The following PPARD variants were observed in gnomAD, a reference collection of about 807,000 sequenced individuals.
The protein encoded by PPARD is peroxisome proliferator activated receptor delta.
A neutral mutation model predicts 39.5 loss-of-function variants in PPARD; 6 were observed. The observed-to-expected ratio is 0.15, with a 90% CI of 0.08 to 0.30. The LOEUF (loss-of-function observed/expected upper bound fraction) is 0.30. PPARD is among the 10% of genes least tolerant of loss of function. PPARD has a pLI of 1.00. For synonymous variants in PPARD, 210 were observed against 231.3 expected, an observed-to-expected ratio of 0.91 and a Z score of 0.83; for missense variants, 397 against 596.8, an observed-to-expected ratio of 0.67 and a Z score of 3.49.
At chr6:35,396,451 A>G (rs1235556960) in intron 2 of PPARD, among the ~76,000 whole-genome samples, 4 of 146,426 alleles carry the variant, frequency 2.7e-5, no homozygotes, top group African/African-American at 5.1e-5. Flanking sequence ...TGATCCACAC[A>G]CCTCGGCCTC....
At chr6:35,421,983 C>T (rs752156599) in intron 5 of PPARD, 25 bp downstream of exon 5, 4 of 1,579,976 alleles carry the variant, frequency 2.5e-6, no homozygotes, top group East Asian at 2.3e-5. Context: ...GGGCAACTCA[C>T]GGGCTGCTGG....
chr6:35,425,044 G>A lies in PPARD; in HGVS notation c.1078+265G>A, dbSNP rs1027424728. On this transcript the variant is annotated intron_variant, in intron 7 of 7. Coordinates refer to ENST00000360694, the MANE Select transcript of PPARD (RefSeq NM_006238.5). The surrounding 1 kb of genome is among the most constrained non-coding windows in gnomAD (Gnocchi z 4.5). The stretch of plus-strand genomic sequence containing the variant: ...TCCCAGCACTTTGGCAGGCCGAGGC[G>A]GGTGGATCACTTGAGGTCAGGAGTT... 51 of 1,267,684 alleles carry A rather than the reference G, an allele frequency of 4.0e-5. No individual in the cohort carries two copies. Among genetic ancestry groups the A allele is most frequent in the Admixed American group, 2.1e-4 (6 of 28,738 alleles). The allele number at this position is 1,267,684 out of a possible 1,614,324, so 78.5% of individuals were successfully genotyped here. A position where few individuals can be genotyped will look rare whatever the true frequency, so the allele number is the denominator to read the frequency against.
intron 4 of PPARD, 111 bp downstream of exon 4, chr6:35,420,392 C>T: frequency 1.4e-6 from 2 of 1,383,588 alleles, no homozygotes; most frequent in Non-Finnish European, 9.5e-7. Context: ...GTACCTATTG[C>T]AGAATTCCTG....
chr6:35,397,653 G>A (rs2150709163), intron 2 of PPARD: 1 of 680,392 alleles, frequency 1.5e-6, no homozygotes, highest in Non-Finnish European at 1.8e-6. Flanking sequence ...ATACTTGAGG[G>A]TTATGTGAAT....
chr6:35,381,059 A>C, intron 2 of PPARD, among the ~76,000 whole-genome samples: 3 of 143,890 alleles, frequency 2.1e-5, no homozygotes, highest in African/African-American at 5.2e-5. Context: ...TTCTCCCCTC[A>C]TCTCCTCTCT....
At position 35,420,117 on chromosome 6, in the gene PPARD, G is replaced by A. The variant is rs752490838; in HGVS notation, c.131-10G>A. On this transcript the variant is annotated splice_polypyrimidine_tract_variant and intron_variant, in intron 3 of 7. Coordinates refer to ENST00000360694, the MANE Select transcript of PPARD (RefSeq NM_006238.5). ...GCATGTGGAGCTGCCCCTCCATCGT[G>A]TGTCCGCAGACCTCTCCCGGAGCTC... 6.2e-7 allele frequency: 1 copy of A among 1,610,398 alleles called. No individual in the cohort carries two copies. Among genetic ancestry groups the A allele is most frequent in the South Asian group, 1.1e-5 (1 of 90,932 alleles).
At chr6:35,361,491 A>T (rs188464610) in intron 2 of PPARD, among the ~76,000 whole-genome samples, 3 of 152,300 alleles carry the variant, frequency 2.0e-5, no homozygotes, top group Non-Finnish European at 2.9e-5. Context: ...CTATTTATTT[A>T]AAAAAATAAA....
chr6:35,347,027 C>A, intron 1 of PPARD, 40 bp from the exon 2 acceptor site: 2 of 1,339,160 alleles, frequency 1.5e-6, no homozygotes, highest in Non-Finnish European at 2.0e-6. Context: ...GCCCCTGGCA[C>A]CTGTCAGCTA....
chr6:35,408,409 G>A (rs1438239385), intron 2 of PPARD, among the ~76,000 whole-genome samples: 1 of 152,180 alleles, frequency 6.6e-6, no homozygotes, highest in Non-Finnish European at 1.5e-5. Flanking sequence ...GGAGAAGTAG[G>A]AGTGACTGCC....
chr6:35,410,431 A>G (rs992903261), intron 2 of PPARD, among the ~76,000 whole-genome samples: 4 of 152,226 alleles, frequency 2.6e-5, no homozygotes, highest in Admixed American at 6.5e-5. Flanking sequence ...TCTGCTATTG[A>G]GGCCATGGTT....
intron 2 of PPARD, among the ~76,000 whole-genome samples, chr6:35,364,722 TTG>T (rs1234079621): frequency 2.0e-5 from 3 of 147,374 alleles, no homozygotes. Flanking sequence ...TGTTTTTTGT[TTG>T]TTTTTTTTTT....
chr6:35,390,680 AAAAG>A (rs552240390), intron 2 of PPARD, among the ~76,000 whole-genome samples: 46 of 152,260 alleles, frequency 3.0e-4, no homozygotes, highest in Admixed American at 5.9e-4. Context: ...CTGTAAAAAA[AAAAG>A]AAAGAAAAGA....
At chr6:35,423,835 G>T in intron 5 of PPARD, 111 bp from the exon 6 acceptor site, 1 of 981,466 alleles carries the variant, frequency 1.0e-6, no homozygotes, top group Non-Finnish European at 1.5e-6. Flanking sequence ...AGAGCTTCTG[G>T]GGGCCTTAGG....
rs377438407 is a variant in PPARD at position 35,424,440 on chromosome 6, T to A, written c.739T>A (p.Tyr247Asn). 6.2e-7 allele frequency: 1 copy of A among 1,614,080 alleles called. No individual in the cohort carries two copies. Among genetic ancestry groups the A allele is most frequent in the Non-Finnish European group, 8.5e-7 (1 of 1,180,024 alleles). The part of the protein sequence containing the change: ...PYKEISVHVF[Y>N]RCQCTTVETV... ...CAAGGAGATCAGCGTGCACGTCTTC[T>A]ACCGCTGCCAGTGCACCACAGTGGA... The change falls in exon 7 of 8, where the codon TAC (tyrosine) becomes AAC (asparagine). Residue 247 changes from tyrosine to asparagine, a missense_variant. Tyr to Asn is a moderately radical substitution (Grantham distance 143, BLOSUM62 -2). Coordinates refer to ENST00000360694, the MANE Select transcript of PPARD (RefSeq NM_006238.5). This position sits in a 1 kb window ranked among gnomAD's most constrained non-coding sequence, Gnocchi z 7.1.
chr6:35,385,010 T>TG lies in PPARD; in HGVS notation c.-101-25974dup, dbSNP rs1352519632. 1.1e-3 allele frequency among the ~76,000 whole-genome samples: 130 copies of TG among 114,474 alleles called. 2 individuals are homozygous for TG. The East Asian group carries it at 0.014, about 13-fold the overall frequency. The allele number at this position is 114,474 out of a possible 152,430, so 75.1% of individuals were successfully genotyped here. ...CCAGCCGCCCCGTCCGGGAGGGAGG[T>TG]GGGAGGGGTCAGCCCCCCACCCGGC... On this transcript the variant is annotated intron_variant, in intron 2 of 7. Transcript: ENST00000360694.
At chr6:35,362,264 TG>T (rs993901168) in intron 2 of PPARD, among the ~76,000 whole-genome samples, 1 of 152,114 alleles carries the variant, frequency 6.6e-6, no homozygotes, top group Non-Finnish European at 1.5e-5. Context: ...CTCCCATTTG[TG>T]GGAAAGGCAT....
rs976353520 is a variant in PPARD, at chr6:35,342,943, G to T, written c.-186+262G>T. ...CCCCCATAGCTGCTTGAGTGAGTCC[G>T]AAATACGGGCCTCCTTCCACCCTAC... On this transcript the variant is annotated intron_variant, in intron 1 of 7. Coordinates refer to ENST00000360694, the MANE Select transcript of PPARD (RefSeq NM_006238.5). Among the ~76,000 whole-genome samples the T allele has an allele frequency of 4.0e-5, 6 of 150,156 alleles. No homozygotes were observed. In the East Asian group the frequency reaches 1.2e-3, roughly 30 times the overall value.
chr6:35,349,150 T>C (rs1300693124), intron 2 of PPARD: 2 of 583,360 alleles, frequency 3.4e-6, no homozygotes, highest in African/African-American at 4.1e-5. Flanking sequence ...CTAAGCCTCC[T>C]GAGTAGCTGG....
intron 2 of PPARD, among the ~76,000 whole-genome samples, chr6:35,385,039 C>G (rs1235395193): frequency 6.2e-5 from 9 of 145,840 alleles, no homozygotes; most frequent in Non-Finnish European, 1.3e-4. Flanking sequence ...ACCCGGCCAG[C>G]CGCCCCGTCC....
Sources: allele counts gnomAD v4.1 joint callset (sites outside exome capture counted in the v4.1 genomes callset), GRCh38; gene constraint gnomAD v4.1.1; non-coding constraint Gnocchi (gnomAD v3.1); transcripts MANE v1.5; gene names NCBI Gene and HGNC (gene_info 2026-07-23, HGNC 2026-07-21).